MSI2: variants seen among roughly 807,000 people sequenced by gnomAD.
MSI2 encodes the protein musashi RNA binding protein 2, also known as RNA-binding protein Musashi homolog 2.
In MSI2, 17 loss-of-function variants were observed where a neutral mutation model predicts 45.6. The ratio of observed to expected loss-of-function variants is 0.37; its 90% CI spans 0.26 to 0.56. The LOEUF is 0.56. Among genes scored for constraint, MSI2 ranks in the 20% least tolerant of loss-of-function variants. The probability of loss-of-function intolerance (pLI) is 0.77; values close to 1 mark genes in which losing one functional copy is unlikely to be tolerated. For missense variants in MSI2, 293 were observed against 444.2 expected, an observed-to-expected ratio of 0.66 and a Z score of 3.06; for synonymous variants, 156 against 158.2, an observed-to-expected ratio of 0.99 and a Z score of 0.11.
At position 57,317,506 on chromosome 17, in the gene MSI2, CTTTTTTTTTTTTT is replaced by C. The variant is rs921448429; in HGVS notation, c.312+55324_312+55336del. ...CACTCTATCCCATGTTATAGTTTTG[CTTTTTTTTTTTTT>C]TTTTTTTTTGAGACGGGGTCTCACT... On this transcript the variant is annotated intron_variant, in intron 5 of 13. Transcript: ENST00000284073. Among the ~76,000 whole-genome samples, 114 of 94,542 alleles carry C rather than the reference CTTTTTTTTTTTTT, an allele frequency of 1.2e-3. 1 individual carries two copies. In the South Asian group the frequency reaches 0.034, roughly 29 times the overall value. 62.0% of individuals were successfully genotyped at this position (94,542 alleles called of 152,430 possible). A position where few individuals can be genotyped will look rare whatever the true frequency, so the allele number is the denominator to read the frequency against.
intron 6 of MSI2, among the ~76,000 whole-genome samples, chr17:57,429,473 C>G (rs1377532025): frequency 6.6e-6 from 1 of 152,216 alleles, no homozygotes; most frequent in Non-Finnish European, 1.5e-5. Flanking sequence ...GAGCTTCCGT[C>G]TACTCATTCA....
chr17:57,418,806 A>G (rs188477416), intron 6 of MSI2, among the ~76,000 whole-genome samples: 8 of 152,360 alleles, frequency 5.3e-5, no homozygotes, highest in African/African-American at 1.9e-4. Context: ...TAAAAGAGGA[A>G]AAAATGGATC....
chr17:57,509,770 A>G (rs1389270387), intron 6 of MSI2, among the ~76,000 whole-genome samples: 1 of 151,784 alleles, frequency 6.6e-6, no homozygotes, highest in Non-Finnish European at 1.5e-5. Context: ...AGGCATTGCC[A>G]AGCAAATGCA....
intron 6 of MSI2, among the ~76,000 whole-genome samples, chr17:57,438,552 A>G (rs190691994): frequency 2.0e-5 from 3 of 152,294 alleles, no homozygotes; most frequent in Admixed American, 6.5e-5. Context: ...GGGAAAATCA[A>G]TTTAATTTCT....
chr17:57,325,984 G>A (rs1913757023), intron 5 of MSI2, among the ~76,000 whole-genome samples: 1 of 152,030 alleles, frequency 6.6e-6, no homozygotes, highest in African/African-American at 2.4e-5. Flanking sequence ...GCATCTGCTG[G>A]TCCCTCTGCT....
chr17:57,293,491 T>TG (rs1368815423), intron 5 of MSI2, among the ~76,000 whole-genome samples: 1 of 152,202 alleles, frequency 6.6e-6, no homozygotes, highest in Non-Finnish European at 1.5e-5. Context: ...TGCCATTACT[T>TG]GATTATTTGC....
intron 6 of MSI2, among the ~76,000 whole-genome samples, chr17:57,456,741 C>T (rs2085123450): frequency 6.6e-6 from 1 of 152,172 alleles, no homozygotes. Flanking sequence ...CCTTTGGGTC[C>T]GTAAATCTTC....
At chr17:57,424,620 T>C (rs1483169706) in intron 6 of MSI2, among the ~76,000 whole-genome samples, 1 of 152,180 alleles carries the variant, frequency 6.6e-6, no homozygotes, top group African/African-American at 2.4e-5. Context: ...CTATCTAGTG[T>C]CACAGCTGCT....
At chr17:57,658,271 G>C (rs1911748249) in intron 11 of MSI2, among the ~76,000 whole-genome samples, 1 of 152,170 alleles carries the variant, frequency 6.6e-6, no homozygotes, top group Non-Finnish European at 1.5e-5. Flanking sequence ...TAGTGGCCCA[G>C]GGGGAGAACA....
At chr17:57,592,734 G>C (rs1161887369) in intron 7 of MSI2, among the ~76,000 whole-genome samples, 1 of 152,196 alleles carries the variant, frequency 6.6e-6, no homozygotes, top group Non-Finnish European at 1.5e-5. Context: ...ATCAGAGTCA[G>C]AATTTGAGAT....
At chr17:57,327,603 G>A (rs1913910416) in intron 5 of MSI2, among the ~76,000 whole-genome samples, 1 of 152,178 alleles carries the variant, frequency 6.6e-6, no homozygotes, top group African/African-American at 2.4e-5. Context: ...GTGTGTGGGG[G>A]CCCCAATCCT....
In MSI2 at chr17:57,551,740, A is replaced by G. The variant is rs1598392745; in HGVS notation, c.454+22016A>G. Among the ~76,000 whole-genome samples the G allele has an allele frequency of 2.0e-5, 3 of 152,140 alleles. No individual in the cohort carries two copies. In the East Asian group the frequency reaches 5.8e-4, roughly 29 times the overall value. The stretch of plus-strand genomic sequence containing the variant: ...TCCCAGTTGGCCATTTGCATATGAG[A>G]CTTCTCACTGGGTTCTAAAGGTGGG... On this transcript the variant is annotated intron_variant, in intron 7 of 13. Transcript: ENST00000284073.
intron 5 of MSI2, among the ~76,000 whole-genome samples, chr17:57,338,128 C>T (rs776905819): frequency 6.6e-6 from 1 of 152,150 alleles, no homozygotes; most frequent in Non-Finnish European, 1.5e-5. Context: ...CTCTCTCTGT[C>T]GCCCAGGTTG....
chr17:57,577,457 T>G (rs2088080654), intron 7 of MSI2, among the ~76,000 whole-genome samples: 1 of 152,180 alleles, frequency 6.6e-6, no homozygotes, highest in Non-Finnish European at 1.5e-5. Flanking sequence ...TGGTAATATT[T>G]CAGGAGGATT....
chr17:57,541,817 A>G (rs2087053024), intron 7 of MSI2, among the ~76,000 whole-genome samples: 3 of 152,258 alleles, frequency 2.0e-5, no homozygotes, highest in Middle Eastern at 6.8e-3. Context: ...AGCACTCCTT[A>G]CGCATTTGAA....
chr17:57,412,018 G>A (rs976315552), intron 6 of MSI2, among the ~76,000 whole-genome samples: 4 of 151,746 alleles, frequency 2.6e-5, no homozygotes, highest in Admixed American at 1.3e-4. Context: ...GGGCGGGGCC[G>A]GGGGAAGAAT....
chr17:57,469,754 G>A (rs1172398951), intron 6 of MSI2, among the ~76,000 whole-genome samples: 2 of 152,222 alleles, frequency 1.3e-5, no homozygotes, highest in Non-Finnish European at 2.9e-5. Flanking sequence ...CATCTCCAGT[G>A]TCCCCATCTC....
chr17:57,367,988 A>G lies in MSI2; in HGVS notation c.313-33391A>G, dbSNP rs543582246. 9.9e-5 allele frequency among the ~76,000 whole-genome samples: 15 copies of G among 152,272 alleles called. 1 individual carries two copies. In the South Asian group the frequency reaches 1.0e-3, roughly 11 times the overall value. ...TGGTTATCAAAAGCATTTCACAGACATATGTAAGATAAAGACCCTGTCCTC... is the reference window on the plus strand; with the variant it reads ...TGGTTATCAAAAGCATTTCACAGACGTATGTAAGATAAAGACCCTGTCCTC... On this transcript the variant is annotated intron_variant, in intron 5 of 13. Coordinates refer to ENST00000284073, the MANE Select transcript of MSI2 (RefSeq NM_138962.4).
At chr17:57,307,438 T>C (rs1299308992) in intron 5 of MSI2, among the ~76,000 whole-genome samples, 1 of 142,876 alleles carries the variant, frequency 7.0e-6, no homozygotes, top group Non-Finnish European at 1.5e-5. Flanking sequence ...TTTTTTTTTC[T>C]CTTTGAGATG....
Sources: gnomAD v4.1 joint callset for allele counts (sites outside exome capture counted in the v4.1 genomes callset) on GRCh38, gnomAD v4.1.1 for gene constraint, MANE v1.5 for transcripts, NCBI Gene and HGNC (gene_info 2026-07-23, HGNC 2026-07-21) for gene names.